ZC2HC1B: variants seen among roughly 807,000 people sequenced by gnomAD.
ZC2HC1B encodes zinc finger C2HC-type containing 1B, also known as zinc finger C2HC domain-containing protein 1B.
A neutral mutation model predicts 31.0 loss-of-function variants in ZC2HC1B; 36 were observed. That is an observed-to-expected ratio of 1.16 (90% CI 0.89 to 1.54). The LOEUF (loss-of-function observed/expected upper bound fraction) is 1.54, where lower values mean the gene tolerates loss of function less well. Among genes scored for constraint, ZC2HC1B ranks in the 40% most tolerant of loss-of-function variants. ZC2HC1B has a pLI of 0.00. For missense variants in ZC2HC1B, 260 were observed against 268.6 expected (o/e 0.97, Z 0.22); for synonymous variants, 73 against 88.0 (o/e 0.83, Z 0.95).
chr6:143,903,785 C>T lies in ZC2HC1B; in HGVS notation c.598+633C>T, dbSNP rs1411313176. ...ACCTAGGCACATCCTCCTGTATACA[C>T]TAAATCATCTCCAGATTACTTATAA... On this transcript the variant is annotated intron_variant, in intron 6 of 7. Coordinates refer to ENST00000237275, the MANE Select transcript of ZC2HC1B (RefSeq NM_001013623.3). The surrounding 1 kb of genome is among the most constrained non-coding windows in gnomAD (Gnocchi z 4.3). Among the ~76,000 whole-genome samples the T allele has an allele frequency of 1.3e-5, 2 of 152,202 alleles. No homozygotes were observed. The highest frequency in any genetic ancestry group is 2.9e-5 in the Non-Finnish European group (2 of 68,046).
chr6:143,867,355 A>G (rs76966724), intron 1 of ZC2HC1B, among the ~76,000 whole-genome samples: 7,799 of 152,272 alleles, frequency 0.051, 214 homozygotes, highest in South Asian at 0.095. Context: ...CAATTAGATG[A>G]AAGCATCCTA....
At position 143,865,539 on chromosome 6, in the gene ZC2HC1B, C is replaced by A. The variant is rs1025949305; in HGVS notation, c.28+972C>A. ...CTTCCCTGGTTTATGTTCTCCACAA[C>A]ATCTGTTGACGCAGAGGACTGTTTT... is the stretch of plus-strand genomic sequence containing the variant. On this transcript the variant is annotated intron_variant, in intron 1 of 7. Coordinates refer to ENST00000237275, the MANE Select transcript of ZC2HC1B (RefSeq NM_001013623.3). This position sits in a 1 kb window ranked among gnomAD's most constrained non-coding sequence, Gnocchi z 4.4. 3.3e-5 allele frequency among the ~76,000 whole-genome samples: 5 copies of A among 152,200 alleles called. No individual in the cohort carries two copies. The highest frequency in any genetic ancestry group is 7.3e-5 in the Non-Finnish European group (5 of 68,034).
At chr6:143,876,124 C>T (rs1380925985) in intron 1 of ZC2HC1B, among the ~76,000 whole-genome samples, 1 of 150,506 alleles carries the variant, frequency 6.6e-6, no homozygotes, top group Middle Eastern at 3.2e-3. Context: ...TCTGTTTTTC[C>T]ACAATTTCAG....
In ZC2HC1B at chr6:143,903,266, T is replaced by C. The variant is rs1165288741; in HGVS notation, c.598+114T>C. 1.5e-5 allele frequency: 14 copies of C among 908,450 alleles called. No homozygotes were observed. In the East Asian group the frequency reaches 3.7e-4, roughly 24 times the overall value. 56.3% of individuals were successfully genotyped at this position (908,450 alleles called of 1,614,324 possible). Reference sequence around the variant, plus strand: ...GCTCTAAGACATTCACTGTTGCTTTTGGATGCAAAGATATTTGGGTTAGAG... The same window carrying C: ...GCTCTAAGACATTCACTGTTGCTTTCGGATGCAAAGATATTTGGGTTAGAG... On this transcript the variant is annotated intron_variant, in intron 6 of 7. Transcript: ENST00000237275. This position sits in a 1 kb window ranked among gnomAD's most constrained non-coding sequence, Gnocchi z 4.3.
At position 143,913,164 on chromosome 6, in the gene ZC2HC1B, G is replaced by C. The variant is rs868042796; in HGVS notation, c.598+10012G>C. On this transcript the variant is annotated intron_variant, in intron 6 of 7. Transcript: ENST00000237275. The surrounding 1 kb of genome is among the most constrained non-coding windows in gnomAD (Gnocchi z 5.7). ...TCCTCTGGGCACTTCATCCCAGGGA[G>C]AGATCAGAGCTCTGTCCCTAATATG... Among the ~76,000 whole-genome samples the C allele has an allele frequency of 7.9e-5, 12 of 152,238 alleles. No individual in the cohort carries two copies. The South Asian group carries it at 2.5e-3, about 31-fold the overall frequency.
rs374198893 is a variant in ZC2HC1B at position 143,903,018 on chromosome 6, TTG to T, written c.490-24_490-23del. ...AGGTTACATACAGAAGGTGTTCTCTTTGTCTCTTTCTTTCTCTCTCTGTAGGG... is the reference window on the plus strand; with the variant it reads ...AGGTTACATACAGAAGGTGTTCTCTTTCTCTTTCTTTCTCTCTCTGTAGGG... On this transcript the variant is annotated intron_variant, in intron 5 of 7. Transcript: ENST00000237275. The surrounding 1 kb of genome is among the most constrained non-coding windows in gnomAD (Gnocchi z 4.3). 343 of 1,549,504 alleles carry T rather than the reference TTG, an allele frequency of 2.2e-4. No individual in the cohort carries two copies. In the African/African-American group the frequency reaches 4.0e-3, roughly 18 times the overall value.
At position 143,903,063 on chromosome 6, in the gene ZC2HC1B, C is replaced by CA. The variant is rs1562343162; in HGVS notation, c.516dup (p.Glu173ArgfsTer22). On this transcript the variant is annotated frameshift_variant, in exon 6 of 8. Coordinates refer to ENST00000237275, the MANE Select transcript of ZC2HC1B (RefSeq NM_001013623.3). LOFTEE classifies it high-confidence loss of function. The surrounding 1 kb of genome is among the most constrained non-coding windows in gnomAD (Gnocchi z 4.3). ...CTGTAGGGTAGGGCTCAGATGGGTC[C>CA]AAAAAAAGAACCAACTGTTACCAGT... 17 of 1,551,450 alleles carry CA rather than the reference C, an allele frequency of 1.1e-5. No individual in the cohort carries two copies. Among genetic ancestry groups the CA allele is most frequent in the Non-Finnish European group, 1.3e-5 (15 of 1,146,954 alleles).
In ZC2HC1B at chr6:143,924,738, A is replaced by C. The variant is rs1176759117; in HGVS notation, c.599-12911A>C. On this transcript the variant is annotated intron_variant, in intron 6 of 7. Transcript: ENST00000237275. This position sits in a 1 kb window ranked among gnomAD's most constrained non-coding sequence, Gnocchi z 5.2. Reference sequence around the variant, plus strand: ...TCATGAAAAGAAGTTGAATTTTATAAAATTCCTTTTCTCTGTCTCTTGAAA... The same window carrying C: ...TCATGAAAAGAAGTTGAATTTTATACAATTCCTTTTCTCTGTCTCTTGAAA... 6.6e-6 allele frequency among the ~76,000 whole-genome samples: 1 copy of C among 152,200 alleles called. No homozygotes were observed. The highest frequency in any genetic ancestry group is 1.5e-5 in the Non-Finnish European group (1 of 68,034).
At position 143,884,477 on chromosome 6, in the gene ZC2HC1B, G is replaced by C. The variant is rs1777507418; in HGVS notation, c.90+112G>C. On this transcript the variant is annotated intron_variant, in intron 2 of 7. Coordinates refer to ENST00000237275, the MANE Select transcript of ZC2HC1B (RefSeq NM_001013623.3). This position sits in a 1 kb window ranked among gnomAD's most constrained non-coding sequence, Gnocchi z 5.1. ...AGACAGATGTGGAGGGGAAGCAAGG[G>C]AAGAGGAAAAGTACATAACCTATGG... The C allele has an allele frequency of 7.7e-6, 8 of 1,035,834 alleles. No individual in the cohort carries two copies. The Admixed American group carries it at 1.6e-4, about 21-fold the overall frequency. 64.2% of individuals were successfully genotyped at this position (1,035,834 alleles called of 1,614,324 possible).
rs543772099 is a variant in ZC2HC1B at position 143,924,342 on chromosome 6, T to G, written c.599-13307T>G. On this transcript the variant is annotated intron_variant, in intron 6 of 7. Coordinates refer to ENST00000237275, the MANE Select transcript of ZC2HC1B (RefSeq NM_001013623.3). The surrounding 1 kb of genome is among the most constrained non-coding windows in gnomAD (Gnocchi z 5.2). Reference sequence around the variant, plus strand: ...TCTAGGAGTGTTTTTGGTGGAGTCTTTAGGTTTTATATATATATATATGTA... The same window carrying G: ...TCTAGGAGTGTTTTTGGTGGAGTCTGTAGGTTTTATATATATATATATGTA... Among the ~76,000 whole-genome samples, 3 of 151,222 alleles carry G rather than the reference T, an allele frequency of 2.0e-5. No homozygotes were observed. The highest frequency in any genetic ancestry group is 6.6e-5 in the Admixed American group (1 of 15,156).
At chr6:143,914,149 C>T (rs1276205298) in intron 6 of ZC2HC1B, among the ~76,000 whole-genome samples, 5 of 151,998 alleles carry the variant, frequency 3.3e-5, no homozygotes, top group South Asian at 2.1e-4. Context: ...TTGTTCTTCT[C>T]GCATTCCTTA....
Position 143,933,964 on chromosome 6 carries a change from C to T in ZC2HC1B, c.599-3685C>T, listed in dbSNP as rs1023682951. 3.3e-5 allele frequency among the ~76,000 whole-genome samples: 5 copies of T among 152,186 alleles called. No homozygotes were observed. The highest frequency in any genetic ancestry group is 2.1e-4 in the South Asian group (1 of 4,830). ...CTCAAATTCTGCCAGTTGCCTTCCC[C>T]GAGGGCTCTTGTGAGATAGAGTCAG... On this transcript the variant is annotated intron_variant, in intron 6 of 7. Coordinates refer to ENST00000237275, the MANE Select transcript of ZC2HC1B (RefSeq NM_001013623.3). The surrounding 1 kb of genome is among the most constrained non-coding windows in gnomAD (Gnocchi z 6.4).
Position 143,911,378 on chromosome 6 carries a change from G to A in ZC2HC1B, c.598+8226G>A, listed in dbSNP as rs1384452142. 6.6e-6 allele frequency among the ~76,000 whole-genome samples: 1 copy of A among 152,124 alleles called. No individual in the cohort carries two copies. The highest frequency in any genetic ancestry group is 1.5e-5 in the Non-Finnish European group (1 of 68,024). On this transcript the variant is annotated intron_variant, in intron 6 of 7. Coordinates refer to ENST00000237275, the MANE Select transcript of ZC2HC1B (RefSeq NM_001013623.3). The surrounding 1 kb of genome is among the most constrained non-coding windows in gnomAD (Gnocchi z 4.5). ...CTGTGTTTGCTTCATAGTGTCACTG[G>A]TCTGTGTATTTCAGTGTGTTTTTGT...
rs1777349116 is a variant in ZC2HC1B, at chr6:143,872,181, A to G, written c.28+7614A>G. Among the ~76,000 whole-genome samples, 1 of 152,060 alleles carries G rather than the reference A, an allele frequency of 6.6e-6. No individual in the cohort carries two copies. The highest frequency in any genetic ancestry group is 1.5e-5 in the Non-Finnish European group (1 of 68,004). On this transcript the variant is annotated intron_variant, in intron 1 of 7. Transcript: ENST00000237275. The surrounding 1 kb of genome is among the most constrained non-coding windows in gnomAD (Gnocchi z 5.5). ...TGTAATGGAGTCCTTTTTCAAGGGG[A>G]CCCGGCCTCCCCTTCATTCAAGCAG... is the stretch of plus-strand genomic sequence containing the variant.
intron 1 of ZC2HC1B, among the ~76,000 whole-genome samples, chr6:143,880,188 T>C (rs1216929124): frequency 6.6e-6 from 1 of 152,170 alleles, no homozygotes; most frequent in Non-Finnish European, 1.5e-5. Context: ...TTTCTGTTAC[T>C]CATTTTTAAC....
At chr6:143,882,334 TTATA>T (rs59777839) in intron 1 of ZC2HC1B, among the ~76,000 whole-genome samples, 966 of 85,522 alleles carry the variant, frequency 0.011, 16 homozygotes, top group African/African-American at 0.015. Context: ...TTTATATTTT[TTATA>T]TATATATATA....
chr6:143,927,907 A>G (rs531721305), intron 6 of ZC2HC1B, among the ~76,000 whole-genome samples: 1 of 152,060 alleles, frequency 6.6e-6, no homozygotes, highest in South Asian at 2.1e-4. Context: ...ATATTTTTTC[A>G]TATGCTTTTT....
At position 143,905,275 on chromosome 6, in the gene ZC2HC1B, C is replaced by T. The variant is rs1777780796; in HGVS notation, c.598+2123C>T. On this transcript the variant is annotated intron_variant, in intron 6 of 7. Coordinates refer to ENST00000237275, the MANE Select transcript of ZC2HC1B (RefSeq NM_001013623.3). The surrounding 1 kb of genome is among the most constrained non-coding windows in gnomAD (Gnocchi z 4.2). ...GTTTTGTAGTTTTCATTGTACAAAT[C>T]TTTCACCTCATTGCTTAAGTTCATT... is the stretch of plus-strand genomic sequence containing the variant. Among the ~76,000 whole-genome samples the T allele has an allele frequency of 6.6e-6, 1 of 152,122 alleles. No homozygotes were observed. Among genetic ancestry groups the T allele is most frequent in the Non-Finnish European group, 1.5e-5 (1 of 68,014 alleles).
rs560241941 is a variant in ZC2HC1B, at chr6:143,899,322, T to C, written c.489+631T>C. 3.3e-5 allele frequency among the ~76,000 whole-genome samples: 5 copies of C among 152,358 alleles called. No homozygotes were observed. Among genetic ancestry groups the C allele is most frequent in the Non-Finnish European group, 5.9e-5 (4 of 68,032 alleles). Reference sequence around the variant, plus strand: ...TATAGCATAAAAACTATTAGTTTCATAGACGTGGCTTAGATGCCATGAAAA... The same window carrying C: ...TATAGCATAAAAACTATTAGTTTCACAGACGTGGCTTAGATGCCATGAAAA... On this transcript the variant is annotated intron_variant, in intron 5 of 7. Transcript: ENST00000237275. The surrounding 1 kb of genome is among the most constrained non-coding windows in gnomAD (Gnocchi z 5.0).
Sources: allele counts gnomAD v4.1 joint callset (sites outside exome capture counted in the v4.1 genomes callset), GRCh38; gene constraint gnomAD v4.1.1; non-coding constraint Gnocchi (gnomAD v3.1); transcripts MANE v1.5; gene names NCBI Gene and HGNC (gene_info 2026-07-23, HGNC 2026-07-21).